Variants in RIC8B observed in about 807,000 individuals in gnomAD.
RIC8B encodes chaperone Ric-8B.
RIC8B carries 16 observed loss-of-function variants against 57.5 expected under a neutral mutation model. That is an observed-to-expected ratio of 0.28 (90% CI 0.19 to 0.42). The LOEUF is 0.42. Ranked by LOEUF, RIC8B falls within the 10% of genes least tolerant of loss-of-function variation. The pLI, the probability that RIC8B is intolerant of heterozygous loss-of-function variation, is 1.00. For synonymous variants in RIC8B, 216 were observed against 250.8 expected (o/e 0.86, Z 1.31); for missense variants, 481 against 677.0 (o/e 0.71, Z 3.21).
intron 9 of RIC8B, among the ~76,000 whole-genome samples, chr12:106,873,503 T>C (rs1227548957): frequency 8.6e-5 from 13 of 151,766 alleles, no homozygotes; most frequent in African/African-American, 2.2e-4. Flanking sequence ...AAGTTTCTTC[T>C]CTCTTTCCAC....
chr12:106,845,156 G>T (rs117586458), intron 6 of RIC8B, among the ~76,000 whole-genome samples: 1 of 152,102 alleles, frequency 6.6e-6, no homozygotes, highest in African/African-American at 2.4e-5. Context: ...GTACTCACCT[G>T]GCAAAACCTA....
chr12:106,851,707 C>T, intron 7 of RIC8B, 113 bp downstream of exon 7: 1 of 919,704 alleles, frequency 1.1e-6, no homozygotes, highest in South Asian at 1.8e-5. Context: ...AGCTTACTGT[C>T]TGTTCTATTA....
At chr12:106,800,285 C>G (rs1207107777) in intron 2 of RIC8B, among the ~76,000 whole-genome samples, 1 of 152,110 alleles carries the variant, frequency 6.6e-6, no homozygotes, top group African/African-American at 2.4e-5. Context: ...TCCGGGGAAG[C>G]CTCAGGAAGC....
chr12:106,816,680 C>T (rs1417681686), intron 3 of RIC8B, among the ~76,000 whole-genome samples: 2 of 152,104 alleles, frequency 1.3e-5, no homozygotes, highest in African/African-American at 4.8e-5. Flanking sequence ...AAAATAGTAG[C>T]TCACACTGTT....
intron 2 of RIC8B, among the ~76,000 whole-genome samples, chr12:106,795,679 T>G (rs1462373966): frequency 1.3e-5 from 2 of 152,126 alleles, no homozygotes; most frequent in Non-Finnish European, 1.5e-5. Context: ...TTGAATATGA[T>G]TGGCACAACT....
chr12:106,866,871 C>A (rs956903433), intron 8 of RIC8B, among the ~76,000 whole-genome samples: 1 of 152,116 alleles, frequency 6.6e-6, no homozygotes, highest in African/African-American at 2.4e-5. Context: ...ATAGGGCCTG[C>A]ATTCTACGTG....
At chr12:106,819,478 G>T (rs1381233134) in intron 3 of RIC8B, among the ~76,000 whole-genome samples, 1 of 152,180 alleles carries the variant, frequency 6.6e-6, no homozygotes, top group African/African-American at 2.4e-5. Context: ...GCTGGGTGCA[G>T]TGGTGGCTCA....
At chr12:106,822,239 C>T (rs928271459) in intron 3 of RIC8B, 1 of 152,104 alleles carries the variant, frequency 6.6e-6, no homozygotes, top group African/African-American at 2.4e-5. Context: ...GAAATCACTA[C>T]ACATCCGTGA....
intron 3 of RIC8B, among the ~76,000 whole-genome samples, chr12:106,816,876 TATAGA>T (rs1272265171): frequency 2.9e-4 from 44 of 152,334 alleles, no homozygotes; most frequent in African/African-American, 1.0e-3. Context: ...CATTCTGTGT[TATAGA>T]ATATTTATTC....
intron 2 of RIC8B, among the ~76,000 whole-genome samples, chr12:106,810,156 CTTTT>C (rs5800718): frequency 1.4e-5 from 2 of 139,604 alleles, no homozygotes; most frequent in Admixed American, 7.2e-5. Context: ...ATGTTATTTC[CTTTT>C]TTTTTTTTTT....
intron 8 of RIC8B, 119 bp downstream of exon 8, chr12:106,860,531 A>G (rs541776508): frequency 1.2e-6 from 1 of 850,652 alleles, no homozygotes; most frequent in East Asian, 3.2e-5. Context: ...TTTCCATTTA[A>G]TGGTGTTTTT....
chr12:106,796,972 T>G (rs1044045708), intron 2 of RIC8B, among the ~76,000 whole-genome samples: 1 of 152,062 alleles, frequency 6.6e-6, no homozygotes, highest in African/African-American at 2.4e-5. Context: ...CCATAAAATA[T>G]CAATTCATAC....
At chr12:106,815,709 T>C (rs2045545429) in intron 3 of RIC8B, among the ~76,000 whole-genome samples, 1 of 152,170 alleles carries the variant, frequency 6.6e-6, no homozygotes, top group Admixed American at 6.5e-5. Flanking sequence ...ATCAAGCCAA[T>C]TGAAGTTGAT....
chr12:106,844,070 T>C, intron 6 of RIC8B, 123 bp downstream of exon 6: 1 of 719,806 alleles, frequency 1.4e-6, no homozygotes, highest in Non-Finnish European at 2.3e-6. Flanking sequence ...GTCTTAATCT[T>C]TGAAATCTTC....
chr12:106,879,120 G>A lies in RIC8B; in HGVS notation c.1572-6784G>A, dbSNP rs921524629. The A allele has an allele frequency of 7.1e-6, 7 of 985,626 alleles. No homozygotes were observed. The highest frequency in any genetic ancestry group is 2.3e-4 in the East Asian group (2 of 8,822). The allele number at this position is 985,626 out of a possible 1,614,324, so 61.1% of individuals were successfully genotyped here. ...AGTGGCAAGCGGGAAGCTGAAACTC[G>A]TATAGGTAAATTCGAAGGGACTCTT... On this transcript the variant is annotated intron_variant, in intron 9 of 9. Transcript: ENST00000392837. This position sits in a 1 kb window ranked among gnomAD's most constrained non-coding sequence, Gnocchi z 4.9.
At chr12:106,825,464 GA>G (rs1377141088) in intron 3 of RIC8B, among the ~76,000 whole-genome samples, 3 of 152,076 alleles carry the variant, frequency 2.0e-5, no homozygotes, top group Non-Finnish European at 4.4e-5. Flanking sequence ...TTTTGGAAAT[GA>G]AAAAAAGTCT....
chr12:106,807,797 T>C (rs2045112312), intron 2 of RIC8B, among the ~76,000 whole-genome samples: 1 of 152,066 alleles, frequency 6.6e-6, no homozygotes, highest in Non-Finnish European at 1.5e-5. Flanking sequence ...CAAAAATATT[T>C]AGGGGAGGCT....
At chr12:106,808,071 C>T (rs1490452127) in intron 2 of RIC8B, among the ~76,000 whole-genome samples, 1 of 138,698 alleles carries the variant, frequency 7.2e-6, no homozygotes, top group Non-Finnish European at 1.5e-5. Flanking sequence ...GGCAAAAGAG[C>T]GAGACTCTGT....
chr12:106,878,926 C>T (rs2136655503), intron 9 of RIC8B: 1 of 980,192 alleles, frequency 1.0e-6, no homozygotes. Context: ...GAATAGGTCT[C>T]TAACATGCTG....
Sources: gnomAD v4.1 joint callset for allele counts (sites outside exome capture counted in the v4.1 genomes callset) on GRCh38, gnomAD v4.1.1 for gene constraint, Gnocchi (gnomAD v3.1) non-coding constraint, MANE v1.5 for transcripts, NCBI Gene and HGNC (gene_info 2026-07-23, HGNC 2026-07-21) for gene names.